MAGEC3: variants seen among roughly 807,000 people sequenced by gnomAD.
The protein encoded by MAGEC3 is melanoma-associated antigen C3.
Under a neutral mutation model 35.3 loss-of-function variants are expected in MAGEC3, and 34 were observed. The ratio of observed to expected loss-of-function variants is 0.96; its 90% CI spans 0.73 to 1.28. MAGEC3 has a LOEUF of 1.28. Ranked by LOEUF, MAGEC3 falls within the 50% of genes most tolerant of loss-of-function variation. MAGEC3 has a pLI of 0.00. For synonymous variants in MAGEC3, 202 were observed against 185.6 expected, an observed-to-expected ratio of 1.09 and a Z score of -0.72; for missense variants, 561 against 483.6, an observed-to-expected ratio of 1.16 and a Z score of -1.50.
At chrX:141,894,834 C>T (rs1049169795) in intron 4 of MAGEC3, 4 of 882,165 alleles carry the variant, frequency 4.5e-6, no homozygotes, top group African/African-American at 2.6e-5. Flanking sequence ...GAGAGGTGGG[C>T]GAAGGGCAGG....
chrX:141,879,549 G>GTC, intron 3 of MAGEC3, 118 bp downstream of exon 3: 1 of 899,821 alleles, frequency 1.1e-6, no homozygotes, highest in East Asian at 3.5e-5. Flanking sequence ...GGGGTGGAGG[G>GTC]GGCCCAGGAG....
intron 1 of MAGEC3, among the ~76,000 whole-genome samples, chrX:141,860,808 A>G (rs1362688975): frequency 9.0e-6 from 1 of 111,437 alleles, no homozygotes; most frequent in Non-Finnish European, 1.9e-5. Context: ...GTGGTGGGGA[A>G]TGTGGAGTTG....
intron 1 of MAGEC3, among the ~76,000 whole-genome samples, chrX:141,863,400 C>T (rs183538377): frequency 2.7e-5 from 3 of 111,384 alleles, no homozygotes; most frequent in African/African-American, 9.8e-5. Context: ...AGAGTGGATA[C>T]ATGACATTAT....
intron 1 of MAGEC3, among the ~76,000 whole-genome samples, chrX:141,855,658 A>AACCACG (rs2017776520): frequency 8.9e-6 from 1 of 111,888 alleles, no homozygotes; most frequent in African/African-American, 3.2e-5. Flanking sequence ...TTCCATTTTT[A>AACCACG]ACCACGTGCA....
chrX:141,896,597 C>T (rs2018096976), intron 6 of MAGEC3: 1 of 1,190,513 alleles, frequency 8.4e-7, no homozygotes, highest in Non-Finnish European at 1.1e-6. Context: ...CTGTGGGATC[C>T]CATCATCCCC....
At chrX:141,858,020 T>G (rs1383276425) in intron 1 of MAGEC3, among the ~76,000 whole-genome samples, 1 of 111,335 alleles carries the variant, frequency 9.0e-6, no homozygotes, top group Non-Finnish European at 1.9e-5. Context: ...AGCATTAATT[T>G]ACATAAATTA....
At chrX:141,862,603 T>C (rs1192529189) in intron 1 of MAGEC3, among the ~76,000 whole-genome samples, 1 of 112,391 alleles carries the variant, frequency 8.9e-6, no homozygotes, top group East Asian at 2.8e-4. Context: ...TATTCTGCCA[T>C]GAAAAGAAAG....
At chrX:141,875,992 A>G (rs773994921) in intron 2 of MAGEC3, among the ~76,000 whole-genome samples, 1 of 111,909 alleles carries the variant, frequency 8.9e-6, no homozygotes, top group Non-Finnish European at 1.9e-5. Context: ...GAGGGCCCCA[A>G]CCCTCAGGGA....
At chrX:141,851,574 C>A (rs1227082196) in intron 1 of MAGEC3, among the ~76,000 whole-genome samples, 1 of 110,671 alleles carries the variant, frequency 9.0e-6, no homozygotes, top group Non-Finnish European at 1.9e-5. Context: ...GATTGTTCAA[C>A]TGTCACCACT....
intron 1 of MAGEC3, among the ~76,000 whole-genome samples, chrX:141,844,743 T>A (rs2124081351): frequency 9.0e-6 from 1 of 111,274 alleles, no homozygotes; most frequent in East Asian, 2.8e-4. Context: ...CCTTTCCAAT[T>A]TAAAATATCT....
chrX:141,887,087 A>C (rs926257871), intron 4 of MAGEC3, among the ~76,000 whole-genome samples: 1 of 112,300 alleles, frequency 8.9e-6, no homozygotes, highest in Non-Finnish European at 1.9e-5. Flanking sequence ...TCATTGTTTG[A>C]GCAAATTAAC....
intron 1 of MAGEC3, among the ~76,000 whole-genome samples, chrX:141,842,270 G>A (rs1237981048): frequency 9.0e-6 from 1 of 111,611 alleles, no homozygotes; most frequent in Non-Finnish European, 1.9e-5. Context: ...AGCAAGGAAT[G>A]AAACTTGCTC....
chrX:141,872,014 A>G (rs762155463), intron 2 of MAGEC3, among the ~76,000 whole-genome samples: 14 of 110,071 alleles, frequency 1.3e-4, no homozygotes, highest in Non-Finnish European at 2.1e-4. Context: ...AAGGGGTTTT[A>G]GGGGAAGGAG....
intron 3 of MAGEC3, chrX:141,880,810 G>A: frequency 9.0e-7 from 1 of 1,115,869 alleles, no homozygotes; most frequent in Non-Finnish European, 1.2e-6. Context: ...AGGCCCTAGA[G>A]CACCACCTTA....
chrX:141,894,603 T>C (rs1602632907), intron 4 of MAGEC3: 7 of 942,643 alleles, frequency 7.4e-6, no homozygotes, highest in African/African-American at 2.0e-5. Context: ...GAGTAAAACC[T>C]TGAGGAAGAC....
rs1260010782 is a variant in MAGEC3 at position 141,838,943 on chromosome X, G to A, written c.123+505G>A. ...TCTAAAATGGTACTTTGTTGTAGCT[G>A]CTTAAGTCTCAAGAAGTGTGAGGGA... On this transcript the variant is annotated intron_variant, in intron 1 of 7. Coordinates refer to ENST00000298296, the MANE Select transcript of MAGEC3 (RefSeq NM_138702.1). 8.0e-6 allele frequency: 5 copies of A among 625,834 alleles called. No individual in the cohort carries two copies. In the South Asian group the frequency reaches 3.4e-4, roughly 42 times the overall value. 51.6% of individuals were successfully genotyped at this position (625,834 alleles called of 1,213,427 possible).
chrX:141,869,383 A>G (rs2017873138), intron 2 of MAGEC3, among the ~76,000 whole-genome samples: 1 of 112,259 alleles, frequency 8.9e-6, no homozygotes, highest in African/African-American at 3.2e-5. Flanking sequence ...AGAAACAAAC[A>G]ACCTTTAAAT....
At chrX:141,888,721 G>A (rs1387047966) in intron 4 of MAGEC3, among the ~76,000 whole-genome samples, 3 of 111,893 alleles carry the variant, frequency 2.7e-5, no homozygotes, top group African/African-American at 9.8e-5. Flanking sequence ...TTATGCATGG[G>A]CTCTGCAACA....
chrX:141,897,051 G>T lies in MAGEC3; in HGVS notation c.1293G>T (p.Glu431Asp). 4.1e-6 allele frequency: 5 copies of T among 1,211,502 alleles called. No homozygotes were observed. The highest frequency in any genetic ancestry group is 5.6e-6 in the Non-Finnish European group (5 of 895,449). ...SPLLWTRLDE[E>D]SSSEEEDTAT... is the part of the protein sequence containing the mutation. ...TTTTGTGGACCCGATTGGATGAGGA[G>T]TCCAGCAGTGAAGAGGAGGATACAG... The change falls in exon 7 of 8, where the codon GAG (glutamate) becomes GAT (aspartate). Residue 431 changes from glutamate (E) to aspartate (D), a missense_variant. Physicochemically the swap from Glu to Asp is conservative, Grantham distance 45. Transcript: ENST00000298296.
Sources: gnomAD v4.1 joint callset for allele counts (sites outside exome capture counted in the v4.1 genomes callset) on GRCh38, gnomAD v4.1.1 for gene constraint, MANE v1.5 for transcripts, NCBI Gene and HGNC (gene_info 2026-07-23, HGNC 2026-07-21) for gene names.